IL1RAPL1: variants seen among roughly 807,000 people sequenced by gnomAD.
IL1RAPL1 encodes the protein interleukin 1 receptor accessory protein like 1, also known as interleukin-1 receptor accessory protein-like 1.
In IL1RAPL1, 3 loss-of-function variants were observed where a neutral mutation model predicts 48.4. That is an observed-to-expected ratio of 0.06 (90% CI 0.03 to 0.16). The LOEUF (loss-of-function observed/expected upper bound fraction) is 0.16, where lower values mean the gene tolerates loss of function less well. Among genes scored for constraint, IL1RAPL1 ranks in the 10% least tolerant of loss-of-function variants. The pLI is 1.00. For missense variants in IL1RAPL1, 349 were observed against 530.6 expected (o/e 0.66, Z 3.36); for synonymous variants, 185 against 187.7 (o/e 0.99, Z 0.12).
intron 6 of IL1RAPL1, among the ~76,000 whole-genome samples, chrX:29,915,902 C>T (rs189711754): frequency 2.0e-5 from 1 of 50,621 alleles, no homozygotes; most frequent in East Asian, 7.1e-4. Context: ...CTCCCCCCTC[C>T]CCCCACCCCA....
chrX:29,804,199 T>A (rs768278896), intron 6 of IL1RAPL1, among the ~76,000 whole-genome samples: 1 of 111,715 alleles, frequency 9.0e-6, no homozygotes, highest in Admixed American at 9.5e-5. Flanking sequence ...GGAATGTGCA[T>A]AAAATCCCCT....
intron 6 of IL1RAPL1, among the ~76,000 whole-genome samples, chrX:29,823,376 G>A (rs1930661768): frequency 8.9e-6 from 1 of 112,024 alleles, no homozygotes; most frequent in East Asian, 2.8e-4. Flanking sequence ...AGTCTCAAGT[G>A]TGAAATAATC....
At chrX:29,791,121 C>A (rs918171522) in intron 6 of IL1RAPL1, among the ~76,000 whole-genome samples, 2 of 110,699 alleles carry the variant, frequency 1.8e-5, no homozygotes, top group Non-Finnish European at 3.8e-5. Flanking sequence ...CCCGATGTAG[C>A]CCCAAGTCAA....
intron 2 of IL1RAPL1, among the ~76,000 whole-genome samples, chrX:28,905,476 GA>G (rs1228792177): frequency 9.9e-5 from 11 of 111,564 alleles, no homozygotes; most frequent in African/African-American, 3.6e-4. Flanking sequence ...TAAATATATA[GA>G]GAAGAAAATC....
intron 4 of IL1RAPL1, among the ~76,000 whole-genome samples, chrX:29,397,625 C>T: frequency 9.1e-6 from 1 of 110,200 alleles, no homozygotes; most frequent in East Asian, 2.9e-4. Flanking sequence ...ATTTCTTATC[C>T]TTAACCACCC....
intron 2 of IL1RAPL1, among the ~76,000 whole-genome samples, chrX:28,791,553 A>T (rs1192858696): frequency 1.8e-5 from 2 of 112,075 alleles, no homozygotes; most frequent in Non-Finnish European, 3.8e-5. Flanking sequence ...TCTTCAGTTT[A>T]TGAATGCAGT....
Position 28,952,362 on chromosome X carries a change from T to G in IL1RAPL1, c.82+162937T>G, listed in dbSNP as rs895986951. ...AAAGTTATGTTTATAAATTGTAGGG[T>G]TATATGTACACACAAAAAGAAATTT... On this transcript the variant is annotated intron_variant, in intron 2 of 10. Transcript: ENST00000378993. Among the ~76,000 whole-genome samples the G allele has an allele frequency of 5.4e-5, 6 of 111,167 alleles. No homozygotes were observed. The Admixed American group carries it at 5.8e-4, about 11-fold the overall frequency.
intron 3 of IL1RAPL1, among the ~76,000 whole-genome samples, chrX:29,379,477 C>T (rs1933666244): frequency 8.9e-6 from 1 of 112,017 alleles, no homozygotes; most frequent in Non-Finnish European, 1.9e-5. Flanking sequence ...CAGAAAGGCT[C>T]CTGGCTTTGC....
chrX:29,591,744 A>C (rs1382541009), intron 5 of IL1RAPL1, among the ~76,000 whole-genome samples: 1 of 112,811 alleles, frequency 8.9e-6, no homozygotes, highest in Non-Finnish European at 1.9e-5. Context: ...CTGTGCATCC[A>C]CTGTGCGGAG....
At chrX:29,724,590 A>C (rs1927728020) in intron 6 of IL1RAPL1, among the ~76,000 whole-genome samples, 2 of 112,133 alleles carry the variant, frequency 1.8e-5, no homozygotes, top group African/African-American at 6.5e-5. Context: ...TTAAAGGAGA[A>C]AATGCAAATA....
intron 6 of IL1RAPL1, among the ~76,000 whole-genome samples, chrX:29,807,894 A>C (rs1396557717): frequency 9.0e-6 from 1 of 111,559 alleles, no homozygotes; most frequent in Non-Finnish European, 1.9e-5. Flanking sequence ...AAAGAAACAT[A>C]TGAAAACATA....
At chrX:29,439,990 CGTGTGTGTGTGTGTGTGT>C (rs60967823) in intron 5 of IL1RAPL1, among the ~76,000 whole-genome samples, 28 of 96,772 alleles carry the variant, frequency 2.9e-4, no homozygotes, top group African/African-American at 9.3e-4. Flanking sequence ...CAATTTGACA[CGTGTGTGTGTGTGTGTGT>C]GTGTGTGTGT....
At chrX:28,891,748 G>A (rs1922775477) in intron 2 of IL1RAPL1, among the ~76,000 whole-genome samples, 1 of 111,552 alleles carries the variant, frequency 9.0e-6, no homozygotes, top group Admixed American at 9.6e-5. Flanking sequence ...TCACTTGCAA[G>A]TTTTTGTGTG....
intron 3 of IL1RAPL1, among the ~76,000 whole-genome samples, chrX:29,312,221 C>T (rs1321383259): frequency 1.8e-5 from 2 of 111,182 alleles, no homozygotes; most frequent in Non-Finnish European, 3.8e-5. Flanking sequence ...GGGTGGATCG[C>T]CTGAGGTCAG....
chrX:29,874,782 C>T (rs967409630), intron 6 of IL1RAPL1, among the ~76,000 whole-genome samples: 3 of 112,133 alleles, frequency 2.7e-5, no homozygotes, highest in African/African-American at 6.5e-5. Context: ...TTTGCAAAGA[C>T]GCTTCCTGCA....
At position 29,376,083 on chromosome X, in the gene IL1RAPL1, T is replaced by C. The variant is rs142378371; in HGVS notation, c.363-20175T>C. On this transcript the variant is annotated intron_variant, in intron 3 of 10. Transcript: ENST00000378993. Reference sequence around the variant, plus strand: ...ACAGTTTTCTCTAGTTTTAGTTATTTATTTTCTTTTCTTCTCCTAGTTTTA... The same window carrying C: ...ACAGTTTTCTCTAGTTTTAGTTATTCATTTTCTTTTCTTCTCCTAGTTTTA... Among the ~76,000 whole-genome samples the C allele has an allele frequency of 1.8e-3, 204 of 111,886 alleles. 1 individual carries two copies. Among genetic ancestry groups the C allele is most frequent in the African/African-American group, 6.2e-3 (190 of 30,874 alleles).
chrX:29,234,736 C>G (rs1369924090), intron 2 of IL1RAPL1, among the ~76,000 whole-genome samples: 1 of 112,077 alleles, frequency 8.9e-6, no homozygotes, highest in Admixed American at 9.5e-5. Context: ...CTAATATTTC[C>G]TAGCTTTGTG....
chrX:28,728,008 C>G (rs1176600623), intron 1 of IL1RAPL1, among the ~76,000 whole-genome samples: 1 of 110,308 alleles, frequency 9.1e-6, no homozygotes, highest in Non-Finnish European at 1.9e-5. Context: ...CAGCGTGGCA[C>G]ATGTATACAT....
chrX:29,293,234 A>AT (rs1452988169), intron 3 of IL1RAPL1, among the ~76,000 whole-genome samples: 2 of 110,653 alleles, frequency 1.8e-5, no homozygotes, highest in South Asian at 3.7e-4. Context: ...TGATTTACTG[A>AT]TTTTTTTTAA....
Sources: gnomAD v4.1 joint callset for allele counts (sites outside exome capture counted in the v4.1 genomes callset) on GRCh38, gnomAD v4.1.1 for gene constraint, MANE v1.5 for transcripts, NCBI Gene and HGNC (gene_info 2026-07-23, HGNC 2026-07-21) for gene names.